ENTREP2: variants seen among roughly 807,000 people sequenced by gnomAD.
ENTREP2 encodes the protein endosomal transmembrane epsin interactor 2.
chr15:29,253,138 C>T, the ENTREP2 span, among the ~76,000 whole-genome samples: 1 of 152,194 alleles, frequency 6.6e-6, no homozygotes, highest in African/African-American at 2.4e-5. Flanking sequence ...ATACTGAGTT[C>T]ACATTTCCCT....
chr15:29,174,039 T>C, the ENTREP2 span, among the ~76,000 whole-genome samples: 10 of 151,616 alleles, frequency 6.6e-5, no homozygotes, highest in African/African-American at 2.4e-4. Flanking sequence ...ATTTTAAGCA[T>C]CATTTTAAAG....
chr15:29,559,856 G>A, the ENTREP2 span, among the ~76,000 whole-genome samples: 2 of 152,096 alleles, frequency 1.3e-5, no homozygotes, highest in African/African-American at 4.8e-5. Context: ...CAGCTTCTAG[G>A]GATTAGGATG....
chr15:29,206,661 C>G, the ENTREP2 span, among the ~76,000 whole-genome samples: 61,953 of 151,702 alleles, frequency 0.41, 13,249 homozygotes, highest in East Asian at 0.55. Flanking sequence ...ATCCGGGGTG[C>G]GACATAAAGG....
chr15:29,659,722 G>A, the ENTREP2 span, among the ~76,000 whole-genome samples: 6 of 151,970 alleles, frequency 3.9e-5, no homozygotes, highest in Non-Finnish European at 1.5e-5. Flanking sequence ...GCTTATGGGA[G>A]TTGTCCATAT....
chr15:29,570,407 A>C, the ENTREP2 span: 1 of 809,400 alleles, frequency 1.2e-6, no homozygotes. Context: ...GGCCGCCGGA[A>C]CTTGCCGCCC....
chr15:29,266,888 G>A, the ENTREP2 span: 1 of 152,138 alleles, frequency 6.6e-6, no homozygotes, highest in Non-Finnish European at 1.5e-5. Context: ...TCTGAGAAAA[G>A]CGGGGGGAAT....
chr15:29,493,461 GC>G, the ENTREP2 span, among the ~76,000 whole-genome samples: 1 of 151,972 alleles, frequency 6.6e-6, no homozygotes, highest in East Asian at 2.0e-4. Flanking sequence ...ATAAAGAGAA[GC>G]TATGTAAATC....
At chr15:29,177,352 A>G in the ENTREP2 span, among the ~76,000 whole-genome samples, 1 of 152,234 alleles carries the variant, frequency 6.6e-6, no homozygotes, top group Non-Finnish European at 1.5e-5. Flanking sequence ...AAGACTGCAC[A>G]TGCTTTCTGG....
At chr15:29,151,643 G>T in the ENTREP2 span, 1 of 1,021,952 alleles carries the variant, frequency 9.8e-7, no homozygotes, top group Non-Finnish European at 1.5e-6. Context: ...GTCAGGGGCC[G>T]CTGTCCTCAC....
At chr15:29,220,150 T>C in the ENTREP2 span, among the ~76,000 whole-genome samples, 1 of 152,310 alleles carries the variant, frequency 6.6e-6, no homozygotes, top group South Asian at 2.1e-4. Context: ...TATTTGAGGC[T>C]GTGGGCTGGG....
chr15:29,537,247 T>C, the ENTREP2 span, among the ~76,000 whole-genome samples: 2 of 152,140 alleles, frequency 1.3e-5, no homozygotes, highest in African/African-American at 4.8e-5. Context: ...AAGGAGCCAA[T>C]GCCCACTAGA....
At chr15:29,283,695 G>A in the ENTREP2 span, among the ~76,000 whole-genome samples, 21 of 152,274 alleles carry the variant, frequency 1.4e-4, no homozygotes, top group African/African-American at 4.8e-4. Context: ...AGAACAGATG[G>A]CTACTACAGA....
chr15:29,509,558 A>G, the ENTREP2 span, among the ~76,000 whole-genome samples: 2 of 152,148 alleles, frequency 1.3e-5, no homozygotes, highest in Non-Finnish European at 2.9e-5. Flanking sequence ...AAACAGACAT[A>G]CAGGCCAATG....
chr15:29,237,272 A>C, the ENTREP2 span, among the ~76,000 whole-genome samples: 9 of 152,154 alleles, frequency 5.9e-5, no homozygotes, highest in Admixed American at 2.0e-4. Flanking sequence ...TGGCTCACTA[A>C]TATTTTCTCC....
the ENTREP2 span, among the ~76,000 whole-genome samples, chr15:29,321,837 G>T: frequency 6.6e-6 from 1 of 151,968 alleles, no homozygotes; most frequent in Non-Finnish European, 1.5e-5. Flanking sequence ...GAGTGGGCGG[G>T]GAGGGAGAGC....
the ENTREP2 span, among the ~76,000 whole-genome samples, chr15:29,378,558 G>T: frequency 1.3e-5 from 2 of 152,282 alleles, no homozygotes; most frequent in East Asian, 3.9e-4. Context: ...GTGGAAAGAA[G>T]AGAAAATGAC....
the ENTREP2 span, among the ~76,000 whole-genome samples, chr15:29,370,810 T>C: frequency 6.6e-6 from 1 of 152,128 alleles, no homozygotes; most frequent in Non-Finnish European, 1.5e-5. Context: ...GGTTTCAACC[T>C]GAGCTCTGCC....
the ENTREP2 span, among the ~76,000 whole-genome samples, chr15:29,395,226 T>C: frequency 2.6e-5 from 4 of 152,010 alleles, no homozygotes; most frequent in South Asian, 6.3e-4. Flanking sequence ...TCTGTACGTA[T>C]AGACCTCATT....
the ENTREP2 span, among the ~76,000 whole-genome samples, chr15:29,129,450 G>A: frequency 2.0e-5 from 3 of 152,154 alleles, no homozygotes; most frequent in Non-Finnish European, 2.9e-5. Flanking sequence ...CACAGTCATC[G>A]AGCTTTTGTG....
Sources: gnomAD v4.1 joint callset for allele counts (sites outside exome capture counted in the v4.1 genomes callset) on GRCh38, gnomAD v4.1.1 for gene constraint, MANE v1.5 for transcripts, NCBI Gene and HGNC (gene_info 2026-07-23, HGNC 2026-07-21) for gene names.